C14orf39: variants seen among roughly 807,000 people sequenced by gnomAD.
The protein encoded by C14orf39 is protein SIX6OS1.
A neutral mutation model predicts 85.6 loss-of-function variants in C14orf39; 66 were observed. That is an observed-to-expected ratio of 0.77 (90% CI 0.63 to 0.95). The LOEUF (loss-of-function observed/expected upper bound fraction) is 0.95. Among genes scored for constraint, C14orf39 ranks in the 40% least tolerant of loss-of-function variants. The probability of loss-of-function intolerance (pLI) is 0.00; values close to 1 mark genes in which losing one functional copy is unlikely to be tolerated. For missense variants in C14orf39, 735 were observed against 663.9 expected, an observed-to-expected ratio of 1.11 and a Z score of -1.18; for synonymous variants, 242 against 214.0, an observed-to-expected ratio of 1.13 and a Z score of -1.14.
In C14orf39 at chr14:60,461,533, T is replaced by C; in HGVS notation, c.1033A>G (p.Ser345Gly). Residue 345 changes from serine (S) to glycine (G), a missense_variant, in exon 12 of 18, where the codon AGT becomes GGT. By Grantham distance (56) the Ser-to-Gly change is moderately conservative. Coordinates refer to ENST00000321731, the MANE Select transcript of C14orf39 (RefSeq NM_174978.3). ...CTGACTTGCATAAACTTTTGTGAAC[T>C]TGTGATAGTCGTAATATGTGAACAT... ...SKCSHITTITSSQKFMQVRLL... is the reference protein window; with the variant it reads ...SKCSHITTITGSQKFMQVRLL... 1 of 1,592,300 alleles carries C rather than the reference T, an allele frequency of 6.3e-7. No individual in the cohort carries two copies.
intron 13 of C14orf39, among the ~76,000 whole-genome samples, chr14:60,459,632 C>G (rs1005584855): frequency 2.6e-5 from 4 of 151,746 alleles, no homozygotes; most frequent in Non-Finnish European, 5.9e-5. Context: ...TATTGTCCTA[C>G]ATTCTCCTAC....
chr14:60,473,208 G>C (rs1057417952), intron 5 of C14orf39, among the ~76,000 whole-genome samples: 1 of 152,104 alleles, frequency 6.6e-6, no homozygotes, highest in Non-Finnish European at 1.5e-5. Flanking sequence ...GTCTTCTTTT[G>C]AGAAGTGTCT....
chr14:60,448,646 A>G (rs1890893182), intron 16 of C14orf39, among the ~76,000 whole-genome samples: 1 of 152,226 alleles, frequency 6.6e-6, no homozygotes, highest in South Asian at 2.1e-4. Context: ...ATCTAGAACT[A>G]GAAATACCGT....
chr14:60,482,411 T>C (rs1892682565), intron 4 of C14orf39, among the ~76,000 whole-genome samples: 1 of 152,200 alleles, frequency 6.6e-6, no homozygotes, highest in South Asian at 2.1e-4. Flanking sequence ...ATAGGAACTC[T>C]CCTACACTGT....
At chr14:60,465,897 T>A in intron 11 of C14orf39, 82 bp downstream of exon 11, 1 of 575,762 alleles carries the variant, frequency 1.7e-6, no homozygotes, top group Non-Finnish European at 2.9e-6. Context: ...CACACACGTC[T>A]GTGTCTTAAG....
chr14:60,496,376 G>T, intron 2 of C14orf39: 2 of 339,254 alleles, frequency 5.9e-6, no homozygotes, highest in South Asian at 2.8e-5. Flanking sequence ...TTTCCCTTTG[G>T]GTAAATAGCT....
At chr14:60,507,790 T>C (rs899228475) in intron 1 of C14orf39, among the ~76,000 whole-genome samples, 19 of 152,148 alleles carry the variant, frequency 1.2e-4, no homozygotes, top group African/African-American at 4.6e-4. Context: ...TCGGGTCCAG[T>C]CCAGTTCGGC....
At position 60,515,223 on chromosome 14, in the gene C14orf39, C is replaced by A. The variant is rs1014999629; in HGVS notation, c.-144+172G>T. The A allele has an allele frequency of 6.6e-6, 1 of 151,404 alleles. No individual in the cohort carries two copies. Among genetic ancestry groups the A allele is most frequent in the South Asian group, 2.1e-4 (1 of 4,826 alleles). The allele number at this position is 151,404 out of a possible 1,614,324, so 9.4% of individuals were successfully genotyped here. A position where few individuals can be genotyped will look rare whatever the true frequency, so the allele number is the denominator to read the frequency against. ...GAAATGGCGGCTGGAGCGGCGGGCG[C>A]GTGGGTCCCCTCGGGGAGGCGCCCC... On this transcript the variant is annotated intron_variant, in intron 1 of 5. Coordinates refer to the C14orf39 transcript ENST00000556799. The surrounding 1 kb of genome is among the most constrained non-coding windows in gnomAD (Gnocchi z 6.2).
chr14:60,477,989 C>T (rs1288364706), intron 5 of C14orf39, among the ~76,000 whole-genome samples: 1 of 151,916 alleles, frequency 6.6e-6, no homozygotes, highest in Non-Finnish European at 1.5e-5. Flanking sequence ...ACCATCCTGG[C>T]TAACATGGTG....
Position 60,466,955 on chromosome 14 carries a change from C to A in C14orf39, c.857G>T (p.Arg286Ile). The A allele has an allele frequency of 6.8e-7, 1 of 1,472,722 alleles. No homozygotes were observed. The highest frequency in any genetic ancestry group is 9.0e-7 in the Non-Finnish European group (1 of 1,111,408). 91.2% of individuals were successfully genotyped at this position (1,472,722 alleles called of 1,614,324 possible). A position where few individuals can be genotyped will look rare whatever the true frequency, so the allele number is the denominator to read the frequency against. The change falls in exon 10 of 18, where the codon AGA becomes ATA. Residue 286 changes from arginine to isoleucine, a missense_variant. By Grantham distance (97) the Arg-to-Ile change is moderately conservative (BLOSUM62 -3). Transcript: ENST00000321731. ...TTCTGAAGAATGCATCTTTATTGGT[C>A]TTACTAATTTCTGAGATTCATAAGG... Reference protein sequence around the residue: ...FLPYESQKLVRPIKMHSSEPR... With the variant: ...FLPYESQKLVIPIKMHSSEPR...
intron 13 of C14orf39, among the ~76,000 whole-genome samples, chr14:60,460,226 T>C (rs1279496050): frequency 6.6e-6 from 1 of 151,846 alleles, no homozygotes; most frequent in Admixed American, 6.6e-5. Context: ...CAACAGCACG[T>C]AGGGCTATGT....
Position 60,515,395 on chromosome 14 carries a change from CT to C in C14orf39, c.-145del. The C allele has an allele frequency of 6.6e-6, 1 of 152,396 alleles. No homozygotes were observed. Among genetic ancestry groups the C allele is most frequent in the Non-Finnish European group, 1.5e-5 (1 of 68,196 alleles). The allele number at this position is 152,396 out of a possible 1,614,324, so 9.4% of individuals were successfully genotyped here. A position where few individuals can be genotyped will look rare whatever the true frequency, so the allele number is the denominator to read the frequency against. On this transcript the variant is annotated splice_region_variant and 5_prime_UTR_variant, in exon 1 of 6. Coordinates refer to the C14orf39 transcript ENST00000556799. This position sits in a 1 kb window ranked among gnomAD's most constrained non-coding sequence, Gnocchi z 6.2. ...AGAGCCCCCCTTTTCGCGCACCCACCTTTTCCATCCAGCGCCCCGCGAACTC... is the reference window on the plus strand; with the variant it reads ...AGAGCCCCCCTTTTCGCGCACCCACCTTTCCATCCAGCGCCCCGCGAACTC...
chr14:60,492,293 A>C (rs1489965385), intron 2 of C14orf39, among the ~76,000 whole-genome samples: 2 of 152,188 alleles, frequency 1.3e-5, no homozygotes, highest in Admixed American at 6.5e-5. Context: ...CCATTAGAGC[A>C]TTGTTTCATC....
chr14:60,487,303 G>A (rs1398152883), upstream of C14orf39, among the ~76,000 whole-genome samples: 2 of 152,048 alleles, frequency 1.3e-5, no homozygotes, highest in African/African-American at 4.8e-5. Flanking sequence ...CCAGCCACTG[G>A]CAACCACCAT....
intron 17 of C14orf39, among the ~76,000 whole-genome samples, chr14:60,438,236 G>C (rs994313519): frequency 6.6e-6 from 1 of 152,006 alleles, no homozygotes; most frequent in Non-Finnish European, 1.5e-5. Context: ...GCAGTAAGAT[G>C]GGTGGATGGA....
chr14:60,500,023 CTTTTTTA>C (rs1031356610), intron 1 of C14orf39, among the ~76,000 whole-genome samples: 2 of 151,922 alleles, frequency 1.3e-5, no homozygotes, highest in African/African-American at 4.8e-5. Flanking sequence ...ACTAGCACTC[CTTTTTTA>C]TTTTTTATTT....
upstream of C14orf39, among the ~76,000 whole-genome samples, chr14:60,489,761 T>C (rs531885682): frequency 6.6e-6 from 1 of 152,342 alleles, no homozygotes; most frequent in South Asian, 2.1e-4. Context: ...GTCAAGTCTA[T>C]ACCAGAAAAT....
At chr14:60,450,966 A>G (rs1891005185) in intron 16 of C14orf39, among the ~76,000 whole-genome samples, 1 of 152,210 alleles carries the variant, frequency 6.6e-6, no homozygotes, top group Admixed American at 6.5e-5. Context: ...CCCTTTGAAT[A>G]CTTGGAAAGC....
chr14:60,507,242 C>T (rs1246861509), intron 1 of C14orf39, among the ~76,000 whole-genome samples: 1 of 152,160 alleles, frequency 6.6e-6, no homozygotes, highest in East Asian at 1.9e-4. Context: ...CCTCCCCTGG[C>T]CAGAAGCTCC....
Sources: allele counts gnomAD v4.1 joint callset (sites outside exome capture counted in the v4.1 genomes callset), GRCh38; gene constraint gnomAD v4.1.1; non-coding constraint Gnocchi (gnomAD v3.1); transcripts MANE v1.5; gene names NCBI Gene and HGNC (gene_info 2026-07-23, HGNC 2026-07-21).